The following COL4A5 variants were observed in gnomAD, a reference collection of about 807,000 sequenced individuals.
The protein encoded by COL4A5 is collagen type IV alpha 5 chain.
Under a neutral mutation model 130.2 loss-of-function variants are expected in COL4A5, and 26 were observed. The ratio of observed to expected loss-of-function variants is 0.20; its 90% CI spans 0.15 to 0.28. The LOEUF (loss-of-function observed/expected upper bound fraction) is 0.28, where lower values mean the gene tolerates loss of function less well. Among genes scored for constraint, COL4A5 ranks in the 10% least tolerant of loss-of-function variants. The pLI is 1.00. For synonymous variants in COL4A5, 496 were observed against 439.6 expected (o/e 1.13, Z -1.60); for missense variants, 1,131 against 1,344.3 (o/e 0.84, Z 2.48).
At chrX:108,635,251 T>C (rs1362628199) in intron 36 of COL4A5, among the ~76,000 whole-genome samples, 1 of 110,760 alleles carries the variant, frequency 9.0e-6, no homozygotes, top group Non-Finnish European at 1.9e-5. Context: ...TTTGTAGTTA[T>C]TGTGAGGTTT....
chrX:108,686,475 A>G (rs1185895309), intron 48 of COL4A5, among the ~76,000 whole-genome samples: 1 of 112,344 alleles, frequency 8.9e-6, no homozygotes, highest in Non-Finnish European at 1.9e-5. Flanking sequence ...AAAATATCGC[A>G]GTAGGCTGTA....
rs752890610 is a variant in COL4A5 at position 108,580,973 on chromosome X, T to C, written c.892-10T>C. Reference sequence around the variant, plus strand: ...ATGTTGTTGCCCTATCATTTCTTTGTATCCTATAGGGTAAACCAGGCAAAG... The same window carrying C: ...ATGTTGTTGCCCTATCATTTCTTTGCATCCTATAGGGTAAACCAGGCAAAG... On this transcript the variant is annotated splice_polypyrimidine_tract_variant and intron_variant, in intron 15 of 52. Transcript: ENST00000328300. 8.3e-7 allele frequency: 1 copy of C among 1,203,754 alleles called. No individual in the cohort carries two copies. The highest frequency in any genetic ancestry group is 2.2e-5 in the Admixed American group (1 of 45,951).
chrX:108,547,428 T>C (rs59075665), intron 2 of COL4A5, among the ~76,000 whole-genome samples: 10,644 of 111,292 alleles, frequency 0.096, 1,157 homozygotes, highest in African/African-American at 0.32. Flanking sequence ...AGAGTGAATA[T>C]TGGTGAACAG....
At chrX:108,632,604 C>T (rs1362662937) in intron 36 of COL4A5, among the ~76,000 whole-genome samples, 1 of 111,440 alleles carries the variant, frequency 9.0e-6, no homozygotes, top group African/African-American at 3.3e-5. Flanking sequence ...CAAACTGAAT[C>T]CAGCAGCAGA....
intron 47 of COL4A5, among the ~76,000 whole-genome samples, chrX:108,683,805 G>A (rs970807369): frequency 1.8e-5 from 2 of 111,508 alleles, no homozygotes; most frequent in African/African-American, 6.5e-5. Context: ...AGACAATGAG[G>A]TTTTCTAAAT....
intron 1 of COL4A5, among the ~76,000 whole-genome samples, chrX:108,480,293 T>C (rs1173380367): frequency 8.9e-6 from 1 of 112,247 alleles, no homozygotes; most frequent in Non-Finnish European, 1.9e-5. Context: ...TCTTGACAGG[T>C]CCCACACTAC....
chrX:108,454,807 G>A (rs1386601528), intron 1 of COL4A5, among the ~76,000 whole-genome samples: 3 of 108,954 alleles, frequency 2.8e-5, no homozygotes, highest in African/African-American at 1.0e-4. Flanking sequence ...ATCGAGACAA[G>A]GTCTCCTGCT....
chrX:108,609,641 A>G lies in COL4A5; in HGVS notation c.2395+2749A>G, dbSNP rs930450918. ...GATTATAATTTTCTGTGTCTTGTCT[A>G]AGAAACATTTGCCTGCCCCAAAGTT... is the stretch of plus-strand genomic sequence containing the variant. On this transcript the variant is annotated intron_variant, in intron 29 of 52. Coordinates refer to ENST00000328300, the MANE Select transcript of COL4A5 (RefSeq NM_033380.3). 1.8e-5 allele frequency among the ~76,000 whole-genome samples: 2 copies of G among 111,624 alleles called. No homozygotes were observed. Among genetic ancestry groups the G allele is most frequent in the African/African-American group, 3.2e-5 (1 of 30,887 alleles).
chrX:108,535,332 T>C (rs1044265139), intron 1 of COL4A5, among the ~76,000 whole-genome samples: 2 of 111,718 alleles, frequency 1.8e-5, no homozygotes, highest in Non-Finnish European at 1.9e-5. Flanking sequence ...TATGTTTCTT[T>C]TGGCTTTTGC....
intron 1 of COL4A5, among the ~76,000 whole-genome samples, chrX:108,502,939 T>A (rs1439240962): frequency 3.6e-5 from 4 of 112,264 alleles, no homozygotes; most frequent in Non-Finnish European, 7.5e-5. Flanking sequence ...TTTTTAAATA[T>A]CTCTTAAATG....
intron 42 of COL4A5, among the ~76,000 whole-genome samples, chrX:108,674,218 A>G (rs1429671132): frequency 9.0e-6 from 1 of 111,256 alleles, no homozygotes; most frequent in African/African-American, 3.3e-5. Context: ...CATGATCTTT[A>G]TATTTATTGC....
In COL4A5 at chrX:108,620,353, C is replaced by G. The variant is rs781337825; in HGVS notation, c.2604C>G (p.Pro868=). 3 of 1,208,065 alleles carry G rather than the reference C, an allele frequency of 2.5e-6. No homozygotes were observed. In the South Asian group the frequency reaches 5.3e-5, roughly 21 times the overall value. The change falls in exon 31 of 53, where the codon CCC becomes CCG. Residue 868 remains proline, a synonymous_variant. Transcript: ENST00000328300. ...PPGERGSPGI[P]GAPGPIGPPG... The stretch of plus-strand genomic sequence containing the variant: ...GTGAAAGAGGCAGTCCAGGGATCCC[C>G]GGAGCACCTGGTCCTATAGGACCTC...
At position 108,696,413 on chromosome X, in the gene COL4A5, G is replaced by GATAT; in HGVS notation, c.*47_*50dup. On this transcript the variant is annotated 3_prime_UTR_variant, in exon 53 of 53. Transcript: ENST00000328300. ...GAATTCCTTTTGTGTTTTAAAATGT[G>GATAT]ATATATATATATATAAAATTCCTAG... is the stretch of plus-strand genomic sequence containing the variant. The GATAT allele has an allele frequency of 9.7e-7, 1 of 1,029,974 alleles. No homozygotes were observed. Among genetic ancestry groups the GATAT allele is most frequent in the Non-Finnish European group, 1.4e-6 (1 of 739,779 alleles). 84.9% of individuals were successfully genotyped at this position (1,029,974 alleles called of 1,213,427 possible). A position where few individuals can be genotyped will look rare whatever the true frequency, so the allele number is the denominator to read the frequency against.
At chrX:108,529,604 A>C (rs781100634) in intron 1 of COL4A5, among the ~76,000 whole-genome samples, 1 of 111,856 alleles carries the variant, frequency 8.9e-6, no homozygotes, top group African/African-American at 3.2e-5. Context: ...AAATATATTA[A>C]ATGGCTGAAT....
intron 1 of COL4A5, among the ~76,000 whole-genome samples, chrX:108,485,140 A>G (rs1182990325): frequency 1.8e-5 from 2 of 111,416 alleles, no homozygotes; most frequent in African/African-American, 6.5e-5. Context: ...AAGGCCCAAG[A>G]GCTCTTCATT....
chrX:108,626,906 A>G (rs1310748085), intron 36 of COL4A5: 1 of 759,549 alleles, frequency 1.3e-6, no homozygotes, highest in Non-Finnish European at 1.6e-6. Flanking sequence ...ACAATTGTTT[A>G]GTTCCATGTC....
intron 47 of COL4A5, among the ~76,000 whole-genome samples, chrX:108,683,967 A>G (rs1033726196): frequency 9.0e-6 from 1 of 111,638 alleles, no homozygotes; most frequent in Non-Finnish European, 1.9e-5. Flanking sequence ...AACTCACTCA[A>G]AACCGCACAA....
At chrX:108,696,266 G>T (rs2068730752) in intron 52 of COL4A5, 31 bp from the exon 53 acceptor site, 1 of 1,113,503 alleles carries the variant, frequency 9.0e-7, no homozygotes, top group Non-Finnish European at 1.2e-6. Flanking sequence ...CAGAAAATGT[G>T]GATCTGATTG....
chrX:108,677,520 C>A lies in COL4A5; in HGVS notation c.3829C>A (p.Pro1277Thr), dbSNP rs761470284. 42 of 1,206,791 alleles carry A rather than the reference C, an allele frequency of 3.5e-5. 1 individual carries two copies. The South Asian group carries it at 6.9e-4, about 20-fold the overall frequency. Residue 1277 changes from proline to threonine, a missense_variant, in exon 44 of 53, where the codon CCT (proline) becomes ACT (threonine). Physicochemically the swap from Pro to Thr is conservative, Grantham distance 38. Coordinates refer to ENST00000328300, the MANE Select transcript of COL4A5 (RefSeq NM_033380.3). ...TTAAGGTCTACCAGGTCCAGAAGGT[C>A]CTCCAGGTCTCCCTGGAAATGGAGG... The part of the protein sequence containing the change: ...GFQGLPGPEG[P>T]PGLPGNGGIK...
Sources: gnomAD v4.1 joint callset for allele counts (sites outside exome capture counted in the v4.1 genomes callset) on GRCh38, gnomAD v4.1.1 for gene constraint, MANE v1.5 for transcripts, NCBI Gene and HGNC (gene_info 2026-07-23, HGNC 2026-07-21) for gene names.